IL12RB2: variants seen among roughly 807,000 people sequenced by gnomAD.
IL12RB2 encodes the protein interleukin 12 receptor subunit beta 2.
In IL12RB2, 82 loss-of-function variants were observed where a neutral mutation model predicts 89.4. That is an observed-to-expected ratio of 0.92 (90% confidence interval 0.77 to 1.10). The LOEUF (loss-of-function observed/expected upper bound fraction) is 1.10, where lower values mean the gene tolerates loss of function less well. IL12RB2 is among the 50% of genes least tolerant of loss of function. IL12RB2 has a pLI of 0.00. For synonymous variants in IL12RB2, 368 were observed against 370.1 expected, an observed-to-expected ratio of 0.99 and a Z score of 0.07; for missense variants, 963 against 1,031.9, an observed-to-expected ratio of 0.93 and a Z score of 0.92.
At chr1:67,362,706 C>CT (rs1662234512) in intron 10 of IL12RB2, among the ~76,000 whole-genome samples, 2 of 151,260 alleles carry the variant, frequency 1.3e-5, no homozygotes, top group African/African-American at 4.9e-5. Flanking sequence ...TGAAATTATA[C>CT]TTTAAAAGTG....
chr1:67,339,731 T>C (rs1659310955), intron 9 of IL12RB2, among the ~76,000 whole-genome samples: 1 of 152,106 alleles, frequency 6.6e-6, no homozygotes, highest in Non-Finnish European at 1.5e-5. Context: ...AACGAATGAA[T>C]GAGTGAATGA....
intron 8 of IL12RB2, among the ~76,000 whole-genome samples, chr1:67,333,389 C>CTTT (rs546599054): frequency 2.4e-5 from 3 of 124,060 alleles, no homozygotes; most frequent in African/African-American, 8.8e-5. Context: ...TAATAGTAAG[C>CTTT]TTTTTTTTTT....
intron 13 of IL12RB2, among the ~76,000 whole-genome samples, chr1:67,373,898 T>G (rs1303808705): frequency 6.6e-6 from 1 of 152,214 alleles, no homozygotes; most frequent in Non-Finnish European, 1.5e-5. Flanking sequence ...TATGAGTTGG[T>G]CTTCTCTCTT....
chr1:67,345,585 T>C (rs1160277134), intron 9 of IL12RB2, among the ~76,000 whole-genome samples: 2 of 152,198 alleles, frequency 1.3e-5, no homozygotes, highest in Non-Finnish European at 1.5e-5. Flanking sequence ...GCCAGGACCT[T>C]GGGGCATTTA....
intron 11 of IL12RB2, among the ~76,000 whole-genome samples, chr1:67,369,283 A>T (rs2100993370): frequency 6.6e-6 from 1 of 152,324 alleles, no homozygotes; most frequent in Middle Eastern, 3.4e-3. Context: ...AGAATTCTAG[A>T]TGGGCATGGG....
intron 8 of IL12RB2, among the ~76,000 whole-genome samples, chr1:67,331,233 C>CATATT (rs1658033748): frequency 6.6e-6 from 1 of 152,134 alleles, no homozygotes; most frequent in South Asian, 2.1e-4. Flanking sequence ...AGAAAGTAGG[C>CATATT]TCTGGAGACA....
chr1:67,394,093 G>A (rs573558862), intron 16 of IL12RB2, among the ~76,000 whole-genome samples: 36 of 152,262 alleles, frequency 2.4e-4, no homozygotes, highest in African/African-American at 8.4e-4. Context: ...GGTGAAGGCC[G>A]GCAGTGGAAG....
chr1:67,370,316 G>A (rs933503139), intron 11 of IL12RB2, among the ~76,000 whole-genome samples: 6 of 152,090 alleles, frequency 3.9e-5, no homozygotes, highest in Admixed American at 3.9e-4. Flanking sequence ...TTATAGGTTG[G>A]TGGAGGCTAG....
intron 7 of IL12RB2, among the ~76,000 whole-genome samples, chr1:67,330,266 G>GTCTT (rs1553311322): frequency 1.1e-4 from 6 of 55,716 alleles, no homozygotes. Context: ...TAATTAAAGG[G>GTCTT]TTTTTTTAAA....
intron 9 of IL12RB2, among the ~76,000 whole-genome samples, chr1:67,341,154 TA>T (rs1195688176): frequency 6.6e-6 from 1 of 152,160 alleles, no homozygotes; most frequent in Non-Finnish European, 1.5e-5. Context: ...AATAATCCCA[TA>T]ATCCCTAATC....
At chr1:67,349,146 T>C (rs962967828) in intron 9 of IL12RB2, among the ~76,000 whole-genome samples, 1 of 152,198 alleles carries the variant, frequency 6.6e-6, no homozygotes, top group Non-Finnish European at 1.5e-5. Context: ...AGCACTTTAC[T>C]ATTATATCAA....
chr1:67,336,455 T>C (rs1658772934), intron 8 of IL12RB2, among the ~76,000 whole-genome samples: 1 of 152,140 alleles, frequency 6.6e-6, no homozygotes, highest in Non-Finnish European at 1.5e-5. Context: ...CAGATAGAAG[T>C]CCCAGGTTTG....
At chr1:67,323,827 G>A (rs1656917061) in intron 4 of IL12RB2, among the ~76,000 whole-genome samples, 1 of 152,274 alleles carries the variant, frequency 6.6e-6, no homozygotes, top group African/African-American at 2.4e-5. Flanking sequence ...AGGAGACATT[G>A]AGGATGAGCA....
At chr1:67,367,782 T>C in intron 10 of IL12RB2, 43 bp from the exon 11 acceptor site, 1 of 1,073,868 alleles carries the variant, frequency 9.3e-7, no homozygotes, top group Admixed American at 1.7e-5. Flanking sequence ...TCTTTATCCC[T>C]CCTCTTTTTT....
intron 9 of IL12RB2, 61 bp downstream of exon 9, chr1:67,338,764 A>T: frequency 1.2e-6 from 1 of 826,358 alleles, no homozygotes; most frequent in Non-Finnish European, 2.2e-6. Flanking sequence ...AAAAAGACCT[A>T]TTTGCATAGT....
chr1:67,344,573 A>T (rs1286284000), intron 9 of IL12RB2, among the ~76,000 whole-genome samples: 1 of 152,242 alleles, frequency 6.6e-6, no homozygotes, highest in Non-Finnish European at 1.5e-5. Flanking sequence ...GATTACAGGC[A>T]TGAGCAACGG....
At chr1:67,354,373 T>C (rs1176799457) in intron 10 of IL12RB2, among the ~76,000 whole-genome samples, 6 of 151,668 alleles carry the variant, frequency 4.0e-5, no homozygotes, top group African/African-American at 1.2e-4. Context: ...GGAGGAATAA[T>C]AGAATAAAGT....
At chr1:67,330,135 T>C (rs1178138385) in intron 7 of IL12RB2, among the ~76,000 whole-genome samples, 1 of 152,130 alleles carries the variant, frequency 6.6e-6, no homozygotes, top group Non-Finnish European at 1.5e-5. Context: ...ATATTAGGCA[T>C]TGCATGTTTT....
chr1:67,378,774 C>T, intron 13 of IL12RB2, among the ~76,000 whole-genome samples: 1 of 137,704 alleles, frequency 7.3e-6, no homozygotes, highest in South Asian at 2.3e-4. Flanking sequence ...TGCTTGAATT[C>T]GGGAGGCGGA....
Sources: allele counts gnomAD v4.1 joint callset (sites outside exome capture counted in the v4.1 genomes callset), GRCh38; gene constraint gnomAD v4.1.1; transcripts MANE v1.5; gene names NCBI Gene and HGNC (gene_info 2026-07-23, HGNC 2026-07-21).